Variants in CUL4A observed in about 807,000 individuals in gnomAD.
CUL4A encodes the protein cullin 4A.
Under a neutral mutation model 95.5 loss-of-function variants are expected in CUL4A, and 16 were observed. That is an observed-to-expected ratio of 0.17 (90% CI 0.11 to 0.25). The LOEUF (loss-of-function observed/expected upper bound fraction) is 0.25, where lower values mean the gene tolerates loss of function less well. CUL4A is among the 10% of genes least tolerant of loss of function. CUL4A has a pLI of 1.00. For synonymous variants in CUL4A, 380 were observed against 353.1 expected, an observed-to-expected ratio of 1.08 and a Z score of -0.85; for missense variants, 610 against 937.0, an observed-to-expected ratio of 0.65 and a Z score of 4.56.
chr13:113,209,681 C>G lies in CUL4A; in HGVS notation c.54C>G (p.Thr18=). ...KGSFSALVGR[T]NGLTKPAALA... ...GCTTCTCGGCGCTCGTGGGCCGCAC[C>G]AACGGCCTCACCAAGCCCGCGGCCC... The change falls in exon 1 of 20, where the codon ACC becomes ACG. Residue 18 remains threonine (T), a synonymous_variant. Transcript: ENST00000375440. 8.7e-7 allele frequency: 1 copy of G among 1,146,472 alleles called. No individual in the cohort carries two copies. Among genetic ancestry groups the G allele is most frequent in the Non-Finnish European group, 1.1e-6 (1 of 934,008 alleles). 71.0% of individuals were successfully genotyped at this position (1,146,472 alleles called of 1,614,324 possible). A position where few individuals can be genotyped will look rare whatever the true frequency, so the allele number is the denominator to read the frequency against.
chr13:113,215,791 GTGGAGGTCGCTGTGTGACTA>G (rs1244594382), intron 2 of CUL4A, among the ~76,000 whole-genome samples: 6 of 102,000 alleles, frequency 5.9e-5, no homozygotes, highest in Non-Finnish European at 1.3e-4. Flanking sequence ...CTGTGTGGCT[GTGGAGGTCGCTGTGTGACTA>G]TGGAGGTCGC....
At chr13:113,219,965 T>C (rs1338559010) in intron 3 of CUL4A, among the ~76,000 whole-genome samples, 1 of 152,190 alleles carries the variant, frequency 6.6e-6, no homozygotes, top group Non-Finnish European at 1.5e-5. Context: ...ATGTGTCTCA[T>C]TGGGTAGGAA....
chr13:113,229,639 C>T (rs2041238104), intron 5 of CUL4A, 120 bp downstream of exon 5: 1 of 790,288 alleles, frequency 1.3e-6, no homozygotes, highest in African/African-American at 1.7e-5. Flanking sequence ...TTCCTTTCTT[C>T]AGCCAAAATC....
At chr13:113,229,613 T>C in intron 5 of CUL4A, 94 bp downstream of exon 5, 1 of 981,978 alleles carries the variant, frequency 1.0e-6, no homozygotes, top group South Asian at 1.4e-5. Context: ...GTAAAGTGTG[T>C]GTGATTACTT....
At chr13:113,236,105 G>A (rs2041535382) in intron 8 of CUL4A, among the ~76,000 whole-genome samples, 1 of 152,206 alleles carries the variant, frequency 6.6e-6, no homozygotes, top group Non-Finnish European at 1.5e-5. Flanking sequence ...AAATGATATG[G>A]TGTGCAGAAC....
At chr13:113,251,001 G>T (rs151122128) in intron 15 of CUL4A, among the ~76,000 whole-genome samples, 56 of 152,268 alleles carry the variant, frequency 3.7e-4, no homozygotes, top group African/African-American at 1.2e-3. Context: ...ACAGGGCACA[G>T]CTTAGACAGA....
intron 3 of CUL4A, among the ~76,000 whole-genome samples, chr13:113,225,080 A>G (rs557879426): frequency 2.0e-5 from 3 of 150,782 alleles, no homozygotes; most frequent in East Asian, 3.9e-4. Flanking sequence ...GTTTTTTTCT[A>G]TGGTGTAAGC....
At position 113,232,275 on chromosome 13, in the gene CUL4A, T is replaced by TATTACTGTCACCACTACCTGCCCACCACC. The variant is rs2041373748; in HGVS notation, c.513-895_513-894insTCACCACTACCTGCCCACCACCATTACTG. Among the ~76,000 whole-genome samples, 3 of 3,558 alleles carry TATTACTGTCACCACTACCTGCCCACCACC rather than the reference T, an allele frequency of 8.4e-4. 1 individual carries two copies. The highest frequency in any genetic ancestry group is 0.03 in the East Asian group (2 of 66). 2.3% of individuals were successfully genotyped at this position (3,558 alleles called of 152,430 possible). A position where few individuals can be genotyped will look rare whatever the true frequency, so the allele number is the denominator to read the frequency against. ...GCTGCCACCACTACCCGCCCACCAC[T>TATTACTGTCACCACTACCTGCCCACCACC]ATTACTGCTGCCACCACTACCCGCC... is the stretch of plus-strand genomic sequence containing the variant. On this transcript the variant is annotated intron_variant, in intron 5 of 19. Transcript: ENST00000375440.
upstream of CUL4A, chr13:113,209,560 G>GGGGCGGGCGGAGCGGAGCT: frequency 4.4e-6 from 4 of 905,672 alleles, no homozygotes; most frequent in African/African-American, 1.8e-5. Flanking sequence ...CGCGCGGACC[G>GGGGCGGGCGGAGCGGAGCT]GGGCGGGCGG....
chr13:113,260,207 A>AAAAAAAAAAAAAAAAAAAAAAC (rs1246045306), intron 18 of CUL4A, among the ~76,000 whole-genome samples: 1 of 126,426 alleles, frequency 7.9e-6, no homozygotes, highest in Non-Finnish European at 1.7e-5. Flanking sequence ...CCGTCTCAAA[A>AAAAAAAAAAAAAAAAAAAAAAC]AAAAAAAAAA....
chr13:113,231,932 A>G (rs1337733692), intron 5 of CUL4A, among the ~76,000 whole-genome samples: 3 of 151,958 alleles, frequency 2.0e-5, no homozygotes, highest in African/African-American at 7.3e-5. Context: ...GGCACCCACC[A>G]CTGCGGCTGC....
rs370405954 is a variant in CUL4A at position 113,235,896 on chromosome 13, G to A, written c.848+751G>A. 3.1e-4 allele frequency among the ~76,000 whole-genome samples: 47 copies of A among 152,002 alleles called. No homozygotes were observed. The East Asian group carries it at 8.7e-3, about 28-fold the overall frequency. On this transcript the variant is annotated intron_variant, in intron 8 of 19. Coordinates refer to ENST00000375440, the MANE Select transcript of CUL4A (RefSeq NM_001008895.4). ...TGAGGCAGGAGAATGGCATGAGCCCGGGAGGCAGAGCTTGCAGTGAGCCGA... is the reference window on the plus strand; with the variant it reads ...TGAGGCAGGAGAATGGCATGAGCCCAGGAGGCAGAGCTTGCAGTGAGCCGA...
At chr13:113,259,296 G>A (rs1376222817) in intron 18 of CUL4A, among the ~76,000 whole-genome samples, 9 of 152,282 alleles carry the variant, frequency 5.9e-5, no homozygotes, top group East Asian at 5.8e-4. Flanking sequence ...CTAGTTCAGA[G>A]GATGTTAACT....
intron 15 of CUL4A, among the ~76,000 whole-genome samples, chr13:113,247,238 C>T (rs1311374390): frequency 1.3e-5 from 2 of 152,146 alleles, no homozygotes; most frequent in Non-Finnish European, 2.9e-5. Flanking sequence ...TCCAGCACTG[C>T]AGATCACAGT....
At chr13:113,224,902 C>T (rs1291190520) in intron 3 of CUL4A, among the ~76,000 whole-genome samples, 1 of 152,210 alleles carries the variant, frequency 6.6e-6, no homozygotes, top group East Asian at 1.9e-4. Context: ...GCTGTCCCCT[C>T]GCGGTCTGTC....
chr13:113,208,631 C>A (rs1362777780), upstream of CUL4A: 5 of 1,607,276 alleles, frequency 3.1e-6, no homozygotes, highest in African/African-American at 6.7e-5. Context: ...GTAATGTGCG[C>A]CATGGGAGCG....
At chr13:113,241,541 G>A (rs2041710187) in intron 10 of CUL4A, among the ~76,000 whole-genome samples, 1 of 144,262 alleles carries the variant, frequency 6.9e-6, no homozygotes, top group Admixed American at 7.1e-5. Flanking sequence ...TTGAGGTGGA[G>A]TCTCACTCTG....
At chr13:113,243,230 T>C in intron 11 of CUL4A, 70 bp downstream of exon 11, 1 of 1,451,440 alleles carries the variant, frequency 6.9e-7, no homozygotes, top group Non-Finnish European at 9.4e-7. Context: ...GACAATTTTT[T>C]AATATGGGAA....
At chr13:113,220,958 G>A (rs149451036) in intron 3 of CUL4A, among the ~76,000 whole-genome samples, 13 of 152,308 alleles carry the variant, frequency 8.5e-5, no homozygotes, top group Middle Eastern at 3.4e-3. Context: ...AAACACTACC[G>A]TATTAAATGC....
Sources: gnomAD v4.1 joint callset for allele counts (sites outside exome capture counted in the v4.1 genomes callset) on GRCh38, gnomAD v4.1.1 for gene constraint, MANE v1.5 for transcripts, NCBI Gene and HGNC (gene_info 2026-07-23, HGNC 2026-07-21) for gene names.